The following DDHD1 variants were observed in gnomAD, a reference collection of about 807,000 sequenced individuals.
The protein encoded by DDHD1 is DDHD domain containing 1, also known as phospholipase DDHD1.
In DDHD1, 49 loss-of-function variants were observed where a neutral mutation model predicts 96.4. The observed-to-expected ratio is 0.51, with a 90% CI of 0.40 to 0.64. The LOEUF is 0.64. Ranked by LOEUF, DDHD1 falls within the 30% of genes least tolerant of loss-of-function variation. The pLI is 0.00. For synonymous variants in DDHD1, 442 were observed against 446.5 expected (o/e 0.99, Z 0.13); for missense variants, 1,106 against 1,161.2 (o/e 0.95, Z 0.69).
chr14:53,105,423 T>C (rs151271750), intron 1 of DDHD1, among the ~76,000 whole-genome samples: 172 of 152,296 alleles, frequency 1.1e-3, no homozygotes, highest in African/African-American at 4.1e-3. Flanking sequence ...GCTACTTGCA[T>C]TCTCCTATAT....
chr14:53,047,795 T>C (rs565824795), intron 12 of DDHD1, among the ~76,000 whole-genome samples: 120 of 152,338 alleles, frequency 7.9e-4, no homozygotes, highest in African/African-American at 2.8e-3. Flanking sequence ...AGTGAGCTCA[T>C]TTAATAAATT....
intron 4 of DDHD1, among the ~76,000 whole-genome samples, chr14:53,077,089 T>C (rs1010332658): frequency 1.3e-5 from 2 of 152,202 alleles, no homozygotes; most frequent in Admixed American, 6.6e-5. Context: ...CCGATTTTCA[T>C]TCACTGCATC....
At chr14:53,128,168 C>G (rs545002126) in intron 1 of DDHD1, among the ~76,000 whole-genome samples, 1 of 152,152 alleles carries the variant, frequency 6.6e-6, no homozygotes, top group Non-Finnish European at 1.5e-5. Context: ...TCCCCAGCCA[C>G]GTGGAACTGT....
intron 1 of DDHD1, among the ~76,000 whole-genome samples, chr14:53,111,016 T>C (rs1888061280): frequency 6.6e-6 from 1 of 152,130 alleles, no homozygotes; most frequent in Non-Finnish European, 1.5e-5. Context: ...ATTATCCTAA[T>C]TACAATTGCT....
At position 53,046,610 on chromosome 14, in the gene DDHD1, T is replaced by A. The variant is rs939979883; in HGVS notation, c.*158A>T. 2.3e-6 allele frequency: 1 copy of A among 443,674 alleles called. No homozygotes were observed. The highest frequency in any genetic ancestry group is 3.5e-5 in the East Asian group (1 of 28,190). The allele number at this position is 443,674 out of a possible 1,614,324, so 27.5% of individuals were successfully genotyped here. A position where few individuals can be genotyped will look rare whatever the true frequency, so the allele number is the denominator to read the frequency against. ...AATGACTTCTTCAGAACTGAAAACT[T>A]CTTTTTTTTTTAAATAAAGTGCTTT... On this transcript the variant is annotated 3_prime_UTR_variant, in exon 13 of 13. Coordinates refer to ENST00000673822, the MANE Select transcript of DDHD1 (RefSeq NM_001160148.2).
chr14:53,080,302 A>G (rs901514999), intron 4 of DDHD1, among the ~76,000 whole-genome samples: 4 of 152,174 alleles, frequency 2.6e-5, no homozygotes, highest in Non-Finnish European at 4.4e-5. Flanking sequence ...TGGAGGCTGC[A>G]GTGAACTGAG....
chr14:53,091,870 G>T lies in DDHD1; in HGVS notation c.1204C>A (p.Pro402Thr). Reference protein sequence around the residue: ...YVEEATLEDKPSQTTHIVFVV... With the variant: ...YVEEATLEDKTSQTTHIVFVV... ...AATACAATATGGGTAGTCTGTGATG[G>T]CTTGTCTTCTAATGTGGCTTCTTCT... The change falls in exon 4 of 13, where the codon CCA becomes ACA. Residue 402 changes from proline to threonine, a missense_variant. Pro to Thr is a conservative substitution (Grantham distance 38). Coordinates refer to ENST00000673822, the MANE Select transcript of DDHD1 (RefSeq NM_001160148.2). 1 of 1,613,590 alleles carries T rather than the reference G, an allele frequency of 6.2e-7. No homozygotes were observed. The highest frequency in any genetic ancestry group is 2.2e-5 in the East Asian group (1 of 44,828).
chr14:53,053,541 G>T (rs1236776067), intron 11 of DDHD1: 1 of 152,086 alleles, frequency 6.6e-6, no homozygotes, highest in Non-Finnish European at 1.5e-5. Context: ...ACTTTCTAAG[G>T]ATGGATGGCA....
intron 1 of DDHD1, 64 bp downstream of exon 1, chr14:53,152,197 C>A: frequency 6.8e-7 from 1 of 1,479,046 alleles, no homozygotes; most frequent in South Asian, 1.4e-5. Flanking sequence ...CCCAAACCCA[C>A]ACCGGTGCGC....
chr14:53,063,805 CTA>C (rs1288194473), intron 6 of DDHD1, among the ~76,000 whole-genome samples: 2 of 152,048 alleles, frequency 1.3e-5, no homozygotes, highest in African/African-American at 4.8e-5. Flanking sequence ...AAGTTGTTTT[CTA>C]TGTCTGGAAA....
chr14:53,051,713 A>G, intron 12 of DDHD1, 131 bp downstream of exon 12: 1 of 704,036 alleles, frequency 1.4e-6, no homozygotes. Context: ...AATACACATA[A>G]AATAGTCTGT....
rs776102902 is a variant in DDHD1, at chr14:53,051,887, A to T, written c.2478T>A (p.Leu826=). The T allele has an allele frequency of 1.0e-5, 16 of 1,599,438 alleles. No individual in the cohort carries two copies. In the South Asian group the frequency reaches 1.1e-4, roughly 11 times the overall value. ...LQESFFNLPQ[L]LFPENVMQNK... ...TCTGCATTACATTTTCCGGAAAAAG[A>T]AGTTGTGGGAGATTAAAGAACGATT... Residue 826 remains leucine, a synonymous_variant, in exon 12 of 13, where the codon CTT becomes CTA. Coordinates refer to ENST00000673822, the MANE Select transcript of DDHD1 (RefSeq NM_001160148.2).
intron 6 of DDHD1, among the ~76,000 whole-genome samples, chr14:53,070,145 T>C (rs575381827): frequency 3.3e-5 from 5 of 152,336 alleles, no homozygotes; most frequent in South Asian, 2.1e-4. Flanking sequence ...TATGGTAACA[T>C]GTGCTCTGAT....
chr14:53,096,291 T>A lies in DDHD1; in HGVS notation c.1013-2847A>T, dbSNP rs190531675. On this transcript the variant is annotated intron_variant, in intron 2 of 12. Coordinates refer to ENST00000673822, the MANE Select transcript of DDHD1 (RefSeq NM_001160148.2). ...TTGCCATTTTGCCTTTTTGTTCTAG[T>A]ATTAACTTTAAAAAATGAGTTGTAT... is the stretch of plus-strand genomic sequence containing the variant. 1,203 of 530,344 alleles carry A rather than the reference T, an allele frequency of 2.3e-3. 3 individuals carry two copies. The highest frequency in any genetic ancestry group is 2.5e-3 in the Non-Finnish European group (1,043 of 414,392). 32.9% of individuals were successfully genotyped at this position (530,344 alleles called of 1,614,324 possible).
At chr14:53,095,995 T>A (rs909088782) in intron 2 of DDHD1, 1 of 298,666 alleles carries the variant, frequency 3.3e-6, no homozygotes, top group Non-Finnish European at 4.9e-6. Context: ...AAAGTAGCAG[T>A]AAACAAACTA....
chr14:53,093,728 G>T, intron 2 of DDHD1: 1 of 316,588 alleles, frequency 3.2e-6, no homozygotes, highest in Admixed American at 5.4e-5. Context: ...CAGCTTCTAT[G>T]TGTTTTGATA....
chr14:53,067,306 C>T (rs1595113704), intron 6 of DDHD1, among the ~76,000 whole-genome samples: 1 of 151,916 alleles, frequency 6.6e-6, no homozygotes, highest in East Asian at 1.9e-4. Flanking sequence ...CTACAGGTGC[C>T]TGTCACCATG....
At chr14:53,117,004 T>C (rs995728188) in intron 1 of DDHD1, among the ~76,000 whole-genome samples, 1 of 152,062 alleles carries the variant, frequency 6.6e-6, no homozygotes, top group African/African-American at 2.4e-5. Flanking sequence ...ATTAACAAAA[T>C]AGACTGCTAG....
intron 7 of DDHD1, among the ~76,000 whole-genome samples, chr14:53,062,393 C>T (rs886352063): frequency 6.6e-6 from 1 of 151,552 alleles, no homozygotes; most frequent in African/African-American, 2.4e-5. Context: ...AGGCATGTAA[C>T]TAGAGATGAA....
Sources: gnomAD v4.1 joint callset for allele counts (sites outside exome capture counted in the v4.1 genomes callset) on GRCh38, gnomAD v4.1.1 for gene constraint, MANE v1.5 for transcripts, NCBI Gene and HGNC (gene_info 2026-07-23, HGNC 2026-07-21) for gene names.